XNDC1N: variants seen among roughly 807,000 people sequenced by gnomAD.
XNDC1N encodes the protein protein XNDC1N.
chr11:71,912,739 A>G, the XNDC1N span, among the ~76,000 whole-genome samples: 1 of 152,106 alleles, frequency 6.6e-6, no homozygotes, highest in Non-Finnish European at 1.5e-5. Context: ...ATTAGGAACA[A>G]TATCAGGAAG....
At chr11:71,907,493 G>A in the XNDC1N span, among the ~76,000 whole-genome samples, 2 of 151,674 alleles carry the variant, frequency 1.3e-5, no homozygotes, top group Admixed American at 6.5e-5. Context: ...CTTAGGATCC[G>A]CGGTGGACTC....
At chr11:71,888,294 G>A in the XNDC1N span, among the ~76,000 whole-genome samples, 122 of 152,294 alleles carry the variant, frequency 8.0e-4, no homozygotes, top group African/African-American at 2.7e-3. Context: ...GCCATCTAGC[G>A]GAGCCTAAGA....
the XNDC1N span, among the ~76,000 whole-genome samples, chr11:71,887,672 A>G: frequency 6.6e-6 from 1 of 152,158 alleles, no homozygotes; most frequent in Non-Finnish European, 1.5e-5. Flanking sequence ...AACTTTTGGA[A>G]TTATTGTTCC....
the XNDC1N span, among the ~76,000 whole-genome samples, chr11:71,877,812 T>C: frequency 6.6e-6 from 1 of 152,232 alleles, no homozygotes; most frequent in Non-Finnish European, 1.5e-5. Flanking sequence ...ATATATTATT[T>C]GCTTTCCGAA....
At chr11:71,882,296 C>A in the XNDC1N span, among the ~76,000 whole-genome samples, 103 of 152,090 alleles carry the variant, frequency 6.8e-4, no homozygotes, top group African/African-American at 2.2e-3. Flanking sequence ...CACTTTGTCA[C>A]CCAGGCTGGA....
At chr11:71,887,596 G>A in the XNDC1N span, among the ~76,000 whole-genome samples, 2 of 151,730 alleles carry the variant, frequency 1.3e-5, no homozygotes, top group South Asian at 4.2e-4. Flanking sequence ...TGCCAGTGAG[G>A]CAAAAACAGG....
the XNDC1N span, among the ~76,000 whole-genome samples, chr11:71,920,663 A>T: frequency 6.6e-6 from 1 of 152,338 alleles, no homozygotes; most frequent in African/African-American, 2.4e-5. Context: ...TAAGAAAGTC[A>T]AAGATTTTTA....
chr11:71,895,684 T>C, the XNDC1N span, among the ~76,000 whole-genome samples: 3 of 152,346 alleles, frequency 2.0e-5, no homozygotes, highest in East Asian at 3.9e-4. Context: ...CACACATTGA[T>C]TGCTGCTTTG....
At chr11:71,904,755 TCC>T in the XNDC1N span, among the ~76,000 whole-genome samples, 9 of 151,992 alleles carry the variant, frequency 5.9e-5, no homozygotes, top group African/African-American at 1.9e-4. Flanking sequence ...GGAGTAATAT[TCC>T]CCTAGGATAT....
chr11:71,890,286 G>A, the XNDC1N span, among the ~76,000 whole-genome samples: 1 of 152,098 alleles, frequency 6.6e-6, no homozygotes, highest in Non-Finnish European at 1.5e-5. Context: ...TTGGATATTA[G>A]GAACAATATC....
At chr11:71,914,450 G>A in the XNDC1N span, 1 of 449,100 alleles carries the variant, frequency 2.2e-6, no homozygotes, top group Non-Finnish European at 4.5e-6. Flanking sequence ...ACTTTGGATG[G>A]CTGAGGCGGG....
the XNDC1N span, among the ~76,000 whole-genome samples, chr11:71,877,371 C>T: frequency 6.6e-6 from 1 of 152,224 alleles, no homozygotes; most frequent in African/African-American, 2.4e-5. Context: ...GACGTGGTGG[C>T]TCACCCCTGT....
At chr11:71,893,852 G>T in the XNDC1N span, 45 of 955,846 alleles carry the variant, frequency 4.7e-5, no homozygotes, top group African/African-American at 7.2e-4. Context: ...GCCATCTGTT[G>T]CCCTCTGCAC....
the XNDC1N span, among the ~76,000 whole-genome samples, chr11:71,894,690 T>C: frequency 6.6e-6 from 1 of 152,330 alleles, no homozygotes; most frequent in South Asian, 2.1e-4. Flanking sequence ...ATCACAACCA[T>C]CTTTTCATAT....
the XNDC1N span, among the ~76,000 whole-genome samples, chr11:71,905,211 T>C: frequency 2.0e-5 from 3 of 151,994 alleles, no homozygotes; most frequent in Non-Finnish European, 4.4e-5. Flanking sequence ...ATCTTACGAA[T>C]ATTATCAAAG....
At chr11:71,893,893 G>C in the XNDC1N span, 1 of 960,462 alleles carries the variant, frequency 1.0e-6, no homozygotes, top group Non-Finnish European at 1.5e-6. Context: ...TCACCTCTGT[G>C]TCTTCTTCGT....
At chr11:71,889,902 C>T in the XNDC1N span, among the ~76,000 whole-genome samples, 2 of 152,082 alleles carry the variant, frequency 1.3e-5, no homozygotes, top group African/African-American at 2.4e-5. Context: ...GTGAAGTAAC[C>T]CCTGTGCTTC....
chr11:71,899,073 C>A, the XNDC1N span, among the ~76,000 whole-genome samples: 4 of 152,166 alleles, frequency 2.6e-5, no homozygotes, highest in Non-Finnish European at 5.9e-5. Context: ...TCTTCTTCTT[C>A]TTGCATTATT....
At chr11:71,923,199 A>C in the XNDC1N span, 1 of 686,322 alleles carries the variant, frequency 1.5e-6, no homozygotes, top group Admixed American at 2.2e-5. Flanking sequence ...CTGAACTCAC[A>C]ATGTCTCTTC....
Sources: allele counts gnomAD v4.1 joint callset (sites outside exome capture counted in the v4.1 genomes callset), GRCh38; gene constraint gnomAD v4.1.1; transcripts MANE v1.5; gene names NCBI Gene and HGNC (gene_info 2026-07-23, HGNC 2026-07-21).